The following CACNA1C variants were observed in gnomAD, a reference collection of about 807,000 sequenced individuals.
CACNA1C encodes calcium voltage-gated channel subunit alpha1 C.
CACNA1C carries 30 observed loss-of-function variants against 229.0 expected under a neutral mutation model. The ratio of observed to expected loss-of-function variants is 0.13; its 90% CI spans 0.10 to 0.18. The LOEUF is 0.18. CACNA1C is among the 10% of genes least tolerant of loss of function. CACNA1C has a pLI of 1.00. For missense variants in CACNA1C, 1,658 were observed against 2,845.0 expected (o/e 0.58, Z 9.49); for synonymous variants, 1,114 against 1,132.5 (o/e 0.98, Z 0.33).
rs529034488 is a variant in CACNA1C at position 2,678,450 on chromosome 12, C to T, written c.5091+583C>T. Among the ~76,000 whole-genome samples, 3 of 152,310 alleles carry T rather than the reference C, an allele frequency of 2.0e-5. No individual in the cohort carries two copies. The highest frequency in any genetic ancestry group is 4.4e-5 in the Non-Finnish European group (3 of 68,030). On this transcript the variant is annotated intron_variant, in intron 41 of 46. Coordinates refer to ENST00000399655, the MANE Select transcript of CACNA1C (RefSeq NM_000719.7). The surrounding 1 kb of genome is among the most constrained non-coding windows in gnomAD (Gnocchi z 4.1). ...GCAGTTGCAATAGTGAAAATTAAAA[C>T]GGCTGTACCAGAATAAGGGGCGTTT...
chr12:2,271,481 T>C (rs1445651968), intron 3 of CACNA1C, among the ~76,000 whole-genome samples: 1 of 152,232 alleles, frequency 6.6e-6, no homozygotes, highest in East Asian at 1.9e-4. Context: ...GTTCAAGTCC[T>C]GGTGTTGCCA....
intron 1 of CACNA1C, among the ~76,000 whole-genome samples, chr12:2,061,099 T>C (rs901199878): frequency 1.3e-5 from 2 of 151,766 alleles, no homozygotes; most frequent in African/African-American, 4.8e-5. Context: ...ACTTCATCTC[T>C]TTCTCTGAGA....
At chr12:2,179,471 A>C (rs1231591342) in intron 3 of CACNA1C, among the ~76,000 whole-genome samples, 1 of 152,216 alleles carries the variant, frequency 6.6e-6, no homozygotes, top group Non-Finnish European at 1.5e-5. Context: ...AGGACTTTTG[A>C]AGTCATCTAG....
At chr12:2,223,451 A>AAG (rs1225377873) in intron 3 of CACNA1C, 1 of 152,182 alleles carries the variant, frequency 6.6e-6, no homozygotes, top group Non-Finnish European at 1.5e-5. Flanking sequence ...TGATCCTAAG[A>AAG]AGAGGACCCT....
chr12:2,100,619 C>G (rs187696838), intron 1 of CACNA1C, among the ~76,000 whole-genome samples: 40 of 143,594 alleles, frequency 2.8e-4, no homozygotes, highest in Non-Finnish European at 5.1e-4. Context: ...TAGCTGGGCA[C>G]GGTGACTCAT....
At chr12:1,992,111 T>C (rs2039567887) in intron 1 of CACNA1C, 3 of 315,516 alleles carry the variant, frequency 9.5e-6, no homozygotes, top group South Asian at 3.4e-5. Context: ...TAAACTACAA[T>C]TGATAAAGTG....
intron 3 of CACNA1C, among the ~76,000 whole-genome samples, chr12:2,251,132 G>A (rs990454802): frequency 1.2e-4 from 18 of 152,354 alleles, no homozygotes; most frequent in African/African-American, 3.6e-4. Context: ...TTTAGTTTCT[G>A]TCATCAGTAT....
rs2094341305 is a variant in CACNA1C, at chr12:2,646,251, T to G, written c.3913-2224T>G. 1 of 152,212 alleles carries G rather than the reference T, an allele frequency of 6.6e-6. No homozygotes were observed. Among genetic ancestry groups the G allele is most frequent in the Non-Finnish European group, 1.5e-5 (1 of 68,024 alleles). 9.4% of individuals were successfully genotyped at this position (152,212 alleles called of 1,614,324 possible). A position where few individuals can be genotyped will look rare whatever the true frequency, so the allele number is the denominator to read the frequency against. On this transcript the variant is annotated intron_variant, in intron 30 of 46. Coordinates refer to ENST00000399655, the MANE Select transcript of CACNA1C (RefSeq NM_000719.7). The surrounding 1 kb of genome is among the most constrained non-coding windows in gnomAD (Gnocchi z 4.6). The stretch of plus-strand genomic sequence containing the variant: ...TGAAGGATTCTGAATGTTTAAGAAG[T>G]AAAACAGGTTTTTTTTGGTTTTGTT...
rs1388992549 is a variant in CACNA1C at position 2,283,097 on chromosome 12, A to G, written c.477+162667A>G. 2.0e-5 allele frequency among the ~76,000 whole-genome samples: 3 copies of G among 152,174 alleles called. No individual in the cohort carries two copies. The East Asian group carries it at 5.8e-4, about 29-fold the overall frequency. On this transcript the variant is annotated intron_variant, in intron 3 of 46. Coordinates refer to ENST00000399655, the MANE Select transcript of CACNA1C (RefSeq NM_000719.7). ...GTACTTCTTGAATTTAATCTACACA[A>G]GGATCCCCTGGGAATCTTGTTAAAA... is the stretch of plus-strand genomic sequence containing the variant.
Position 2,141,389 on chromosome 12 carries a change from G to A in CACNA1C, c.477+20959G>A, listed in dbSNP as rs145817133. On this transcript the variant is annotated intron_variant, in intron 3 of 46. Transcript: ENST00000399655. ...GAGGGCCTGGCCAGAGCTCACTGGG[G>A]AAGAAAGCCCTGGACGGTGCAAGCT... Among the ~76,000 whole-genome samples, 421 of 151,338 alleles carry A rather than the reference G, an allele frequency of 2.8e-3. 5 individuals carry two copies. The highest frequency in any genetic ancestry group is 9.4e-3 in the African/African-American group (391 of 41,488).
At chr12:2,004,523 A>G in intron 1 of CACNA1C, 1 of 1,500,974 alleles carries the variant, frequency 6.7e-7, no homozygotes, top group Non-Finnish European at 8.9e-7. Context: ...CCGAGAACCC[A>G]CGGCGACCAC....
At chr12:2,526,008 C>A (rs905106190) in intron 9 of CACNA1C, among the ~76,000 whole-genome samples, 18 of 152,150 alleles carry the variant, frequency 1.2e-4, no homozygotes, top group African/African-American at 4.3e-4. Context: ...AGATGGAATT[C>A]TTCAAAATAG....
chr12:2,621,899 G>T (rs1017695555), intron 29 of CACNA1C, among the ~76,000 whole-genome samples: 2 of 152,184 alleles, frequency 1.3e-5, no homozygotes, highest in African/African-American at 2.4e-5. Context: ...TCAGACAGGC[G>T]ATCTGGGCTG....
At chr12:2,664,437 A>C (rs2095957153) in intron 34 of CACNA1C, among the ~76,000 whole-genome samples, 1 of 152,234 alleles carries the variant, frequency 6.6e-6, no homozygotes, top group Non-Finnish European at 1.5e-5. Context: ...TAGTAAAAGA[A>C]AAAATGAAAA....
Position 2,069,036 on chromosome 12 carries a change from T to G in CACNA1C, c.49+15425T>G, listed in dbSNP as rs148911610. Among the ~76,000 whole-genome samples, 168 of 152,288 alleles carry G rather than the reference T, an allele frequency of 1.1e-3. 1 individual carries two copies. The highest frequency in any genetic ancestry group is 2.0e-3 in the Non-Finnish European group (134 of 68,028). ...CATTTCTTTGGAGTTTGACTTGGCT[T>G]TAATAAAATGAAGGAGAAAAGAAAA... On this transcript the variant is annotated intron_variant, in intron 1 of 46. Transcript: ENST00000399655.
At position 2,179,720 on chromosome 12, in the gene CACNA1C, C is replaced by T. The variant is rs184123625; in HGVS notation, c.477+59290C>T. On this transcript the variant is annotated intron_variant, in intron 3 of 46. Coordinates refer to ENST00000399655, the MANE Select transcript of CACNA1C (RefSeq NM_000719.7). ...AAATGGAGACTGGCAAAGAGTAGCTCGAAAAAGAACAAAGTTTCCTAATAA... is the reference window on the plus strand; with the variant it reads ...AAATGGAGACTGGCAAAGAGTAGCTTGAAAAAGAACAAAGTTTCCTAATAA... Among the ~76,000 whole-genome samples the T allele has an allele frequency of 3.9e-5, 6 of 152,226 alleles. No individual in the cohort carries two copies. The East Asian group carries it at 5.8e-4, about 15-fold the overall frequency.
rs573572197 is a variant in CACNA1C, at chr12:2,403,692, G to T, written c.478-45284G>T. 1.3e-5 allele frequency among the ~76,000 whole-genome samples: 2 copies of T among 152,120 alleles called. No individual in the cohort carries two copies. The highest frequency in any genetic ancestry group is 1.3e-4 in the Admixed American group (2 of 15,262). ...AGAAGATGACTCGTGCAACCTGCAG[G>T]GCCCCTCCTCCATCTCTCCAGTCCA... is the stretch of plus-strand genomic sequence containing the variant. On this transcript the variant is annotated intron_variant, in intron 3 of 46. Transcript: ENST00000399655. The surrounding 1 kb of genome is among the most constrained non-coding windows in gnomAD (Gnocchi z 4.1).
chr12:2,300,005 A>G (rs1404658743), intron 3 of CACNA1C, among the ~76,000 whole-genome samples: 1 of 152,242 alleles, frequency 6.6e-6, no homozygotes, highest in Admixed American at 6.5e-5. Flanking sequence ...TTTGTAACTC[A>G]GATAGAAGCT....
intron 1 of CACNA1C, among the ~76,000 whole-genome samples, chr12:2,021,411 G>A (rs1489129184): frequency 2.6e-5 from 4 of 152,122 alleles, no homozygotes; most frequent in African/African-American, 9.7e-5. Flanking sequence ...GGGCACTATG[G>A]CTCACACCTG....
Sources: allele counts gnomAD v4.1 joint callset (sites outside exome capture counted in the v4.1 genomes callset), GRCh38; gene constraint gnomAD v4.1.1; non-coding constraint Gnocchi (gnomAD v3.1); transcripts MANE v1.5; gene names NCBI Gene and HGNC (gene_info 2026-07-23, HGNC 2026-07-21).